Variants in RNF111 observed in about 807,000 individuals in gnomAD.
The protein encoded by RNF111 is ring finger protein 111, also known as E3 ubiquitin-protein ligase Arkadia.
Under a neutral mutation model 95.1 loss-of-function variants are expected in RNF111, and 17 were observed. That is an observed-to-expected ratio of 0.18 (90% CI 0.12 to 0.27). RNF111 has a LOEUF of 0.27. Ranked by LOEUF, RNF111 falls within the 10% of genes least tolerant of loss-of-function variation. RNF111 has a pLI of 1.00. For missense variants in RNF111, 1,189 were observed against 1,210.4 expected (o/e 0.98, Z 0.26); for synonymous variants, 440 against 414.8 (o/e 1.06, Z -0.74).
intron 13 of RNF111, chr15:59,093,450 A>G (rs1408180292): frequency 2.3e-6 from 1 of 439,358 alleles, no homozygotes; most frequent in Non-Finnish European, 4.5e-6. Flanking sequence ...GGCTGAAGCG[A>G]TCCACCTACC....
intron 5 of RNF111, among the ~76,000 whole-genome samples, chr15:59,059,399 A>G (rs1303617697): frequency 1.3e-5 from 2 of 152,212 alleles, no homozygotes; most frequent in African/African-American, 4.8e-5. Context: ...ACCCTTGCGA[A>G]TTGCTGGTAG....
intron 1 of RNF111, among the ~76,000 whole-genome samples, chr15:59,027,921 G>T (rs1482173263): frequency 6.7e-6 from 1 of 149,524 alleles, no homozygotes. Flanking sequence ...TGCCTCCCTG[G>T]TTCAAGCAAT....
chr15:59,083,732 T>C (rs1435487395), intron 8 of RNF111, among the ~76,000 whole-genome samples: 4 of 152,208 alleles, frequency 2.6e-5, no homozygotes, highest in Admixed American at 6.5e-5. Context: ...CCTGCTTTAA[T>C]GTTTATATAC....
At chr15:59,088,350 G>C (rs1301038414) in intron 10 of RNF111, among the ~76,000 whole-genome samples, 1 of 152,172 alleles carries the variant, frequency 6.6e-6, no homozygotes, top group African/African-American at 2.4e-5. Context: ...GGATGCAGGA[G>C]TTCCTTTCCG....
intron 1 of RNF111, among the ~76,000 whole-genome samples, chr15:59,022,985 G>A (rs180982506): frequency 3.3e-5 from 5 of 152,344 alleles, no homozygotes; most frequent in African/African-American, 7.2e-5. Context: ...GGTGGCTTAC[G>A]CCTGTAATCC....
chr15:58,994,477 T>C (rs1485050326), intron 1 of RNF111, among the ~76,000 whole-genome samples: 1 of 134,224 alleles, frequency 7.5e-6, no homozygotes, highest in Non-Finnish European at 1.6e-5. Flanking sequence ...CTCTCTCTTT[T>C]TTTTTTTTTT....
At chr15:59,009,855 C>G (rs1313139582) in intron 1 of RNF111, among the ~76,000 whole-genome samples, 1 of 152,104 alleles carries the variant, frequency 6.6e-6, no homozygotes, top group African/African-American at 2.4e-5. Flanking sequence ...ACCTGGGAGG[C>G]TGAGGCGGGA....
intron 1 of RNF111, among the ~76,000 whole-genome samples, chr15:59,007,915 C>G (rs138912549): frequency 6.6e-6 from 1 of 152,272 alleles, no homozygotes; most frequent in East Asian, 1.9e-4. Flanking sequence ...CACACAAACA[C>G]ATGTATATAT....
intron 1 of RNF111, among the ~76,000 whole-genome samples, chr15:58,993,914 G>A (rs1312336219): frequency 2.0e-5 from 3 of 151,948 alleles, no homozygotes; most frequent in African/African-American, 7.2e-5. Context: ...TCTATATATG[G>A]CTAGGTGTCA....
intron 1 of RNF111, among the ~76,000 whole-genome samples, chr15:58,991,722 T>G (rs948499482): frequency 3.3e-5 from 5 of 152,224 alleles, no homozygotes; most frequent in Non-Finnish European, 7.3e-5. Flanking sequence ...AATCTACAAA[T>G]GTAAATTAAT....
chr15:59,017,101 A>G (rs1183444298), intron 1 of RNF111, among the ~76,000 whole-genome samples: 1 of 152,086 alleles, frequency 6.6e-6, no homozygotes, highest in Non-Finnish European at 1.5e-5. Flanking sequence ...TAATAGAAAC[A>G]AAGTGCACAA....
intron 8 of RNF111, 74 bp downstream of exon 8, chr15:59,081,358 A>C (rs1237442538): frequency 7.8e-7 from 1 of 1,279,258 alleles, no homozygotes; most frequent in East Asian, 2.5e-5. Flanking sequence ...ACAACTCTGA[A>C]ATCCAACTAG....
chr15:59,063,478 C>G (rs2042526562), intron 5 of RNF111, among the ~76,000 whole-genome samples: 1 of 152,080 alleles, frequency 6.6e-6, no homozygotes, highest in Non-Finnish European at 1.5e-5. Flanking sequence ...AGTTAATTTC[C>G]CTAATGCAGG....
chr15:59,075,670 T>C (rs1392892268), intron 6 of RNF111, among the ~76,000 whole-genome samples: 1 of 152,220 alleles, frequency 6.6e-6, no homozygotes, highest in African/African-American at 2.4e-5. Flanking sequence ...GATTTTAATA[T>C]ATTAAACTTT....
At position 58,993,382 on chromosome 15, in the gene RNF111, A is replaced by T. The variant is rs756247246; in HGVS notation, c.-20+5314A>T. On this transcript the variant is annotated intron_variant, in intron 1 of 13. Coordinates refer to ENST00000348370, the MANE Select transcript of RNF111 (RefSeq NM_017610.8). ...AAATAAAAAAAATATAACTGTAAAT[A>T]CAAAAATTAGCTGGGCGTGGTGGTG... Among the ~76,000 whole-genome samples the T allele has an allele frequency of 4.0e-5, 6 of 151,498 alleles. No homozygotes were observed. In the East Asian group the frequency reaches 1.2e-3, roughly 29 times the overall value.
At chr15:58,990,038 C>T (rs2038742000) in intron 1 of RNF111, among the ~76,000 whole-genome samples, 1 of 152,048 alleles carries the variant, frequency 6.6e-6, no homozygotes, top group African/African-American at 2.4e-5. Context: ...TATGTTATAA[C>T]TTGACATTAC....
chr15:59,014,127 T>G (rs2039958777), intron 1 of RNF111, among the ~76,000 whole-genome samples: 1 of 152,180 alleles, frequency 6.6e-6, no homozygotes, highest in African/African-American at 2.4e-5. Flanking sequence ...AATACTACAT[T>G]ATTTATTTTG....
At chr15:59,059,884 C>A (rs2042361262) in intron 5 of RNF111, among the ~76,000 whole-genome samples, 1 of 152,156 alleles carries the variant, frequency 6.6e-6, no homozygotes, top group East Asian at 1.9e-4. Flanking sequence ...ATGAAACCAT[C>A]TTATATTTTC....
In RNF111 at chr15:59,031,524, G is replaced by A; in HGVS notation, c.702G>A (p.Met234Ile). The change falls in exon 2 of 14, where the codon ATG becomes ATA. Residue 234 changes from methionine (M) to isoleucine (I), a missense_variant. Transcript: ENST00000348370. Reference sequence around the variant, plus strand: ...AGAAACAAAAAGAGAGGATATTAATGCAGAGGAAGAAACGAGAAGTGTTAG... The same window carrying A: ...AGAAACAAAAAGAGAGGATATTAATACAGAGGAAGAAACGAGAAGTGTTAG... Reference protein sequence around the residue: ...RTQKQKERILMQRKKREVLAR... With the variant: ...RTQKQKERILIQRKKREVLAR... 2 of 1,614,148 alleles carry A rather than the reference G, an allele frequency of 1.2e-6. No individual in the cohort carries two copies. Among genetic ancestry groups the A allele is most frequent in the African/African-American group, 1.3e-5 (1 of 75,040 alleles).
Sources: allele counts gnomAD v4.1 joint callset (sites outside exome capture counted in the v4.1 genomes callset), GRCh38; gene constraint gnomAD v4.1.1; transcripts MANE v1.5; gene names NCBI Gene and HGNC (gene_info 2026-07-23, HGNC 2026-07-21).